MSRA: variants seen among roughly 807,000 people sequenced by gnomAD.
MSRA encodes the protein methionine sulfoxide reductase A, also known as mitochondrial peptide methionine sulfoxide reductase.
In MSRA, 54 loss-of-function variants were observed where a neutral mutation model predicts 31.3. The ratio of observed to expected loss-of-function variants is 1.73; its 90% CI spans 1.39 to 2.17. The LOEUF is 2.17. Ranked by LOEUF, MSRA falls within the 30% of genes most tolerant of loss-of-function variation. The pLI is 0.00. For synonymous variants in MSRA, 169 were observed against 116.5 expected (o/e 1.45, Z -2.90); for missense variants, 507 against 300.9 (o/e 1.69, Z -5.07).
chr8:10,337,417 G>C (rs139785679), intron 5 of MSRA: 11 of 318,362 alleles, frequency 3.5e-5, no homozygotes, highest in Middle Eastern at 9.7e-4. Flanking sequence ...CTGACCTCGT[G>C]ATCCACCAGC....
At chr8:10,208,107 TCACGTTGACAAC>T (rs1306998817) in intron 2 of MSRA, among the ~76,000 whole-genome samples, 3 of 152,244 alleles carry the variant, frequency 2.0e-5, no homozygotes, top group Non-Finnish European at 4.4e-5. Flanking sequence ...CTTTATTTTC[TCACGTTGACAAC>T]CACGTATCAA....
At chr8:10,366,351 G>C (rs990953944) in intron 5 of MSRA, among the ~76,000 whole-genome samples, 3 of 152,260 alleles carry the variant, frequency 2.0e-5, no homozygotes, top group Non-Finnish European at 4.4e-5. Flanking sequence ...GCAAGCCCGT[G>C]TGAGCTCGGA....
intron 2 of MSRA, among the ~76,000 whole-genome samples, chr8:10,224,751 C>T (rs919550748): frequency 1.3e-5 from 2 of 152,214 alleles, no homozygotes; most frequent in Non-Finnish European, 2.9e-5. Context: ...CATTCCTTTG[C>T]TGGGGAAATC....
chr8:10,353,927 T>C (rs1804354086), intron 5 of MSRA: 1 of 205,340 alleles, frequency 4.9e-6, no homozygotes. Flanking sequence ...AAGGACCTTA[T>C]TATGGAAGGA....
At position 10,071,844 on chromosome 8, in the gene MSRA, G is replaced by A. The variant is rs567102914; in HGVS notation, c.142+17186G>A. Among the ~76,000 whole-genome samples, 16 of 152,232 alleles carry A rather than the reference G, an allele frequency of 1.1e-4. No homozygotes were observed. The East Asian group carries it at 2.7e-3, about 26-fold the overall frequency. On this transcript the variant is annotated intron_variant, in intron 1 of 5. Transcript: ENST00000317173. ...GAATACGATCCAGACACTTGTGCCC[G>A]CTGTATCTCAGTACGAGAGTCTCCA...
At chr8:10,254,252 T>G (rs1366162164) in intron 3 of MSRA, among the ~76,000 whole-genome samples, 1 of 152,216 alleles carries the variant, frequency 6.6e-6, no homozygotes, top group Non-Finnish European at 1.5e-5. Context: ...GGTGACCACC[T>G]ACCCACAACG....
intron 2 of MSRA, among the ~76,000 whole-genome samples, chr8:10,244,809 C>G (rs190307180): frequency 1.3e-5 from 2 of 152,088 alleles, no homozygotes; most frequent in East Asian, 3.9e-4. Context: ...AATAGTTACC[C>G]CCTTACTGTG....
At chr8:10,125,452 G>C (rs1801430786) in intron 1 of MSRA, among the ~76,000 whole-genome samples, 1 of 152,190 alleles carries the variant, frequency 6.6e-6, no homozygotes, top group Non-Finnish European at 1.5e-5. Flanking sequence ...TCAGGAGTGA[G>C]AATCACCTGT....
chr8:10,084,348 C>T (rs11249970), intron 1 of MSRA, among the ~76,000 whole-genome samples: 79,983 of 152,202 alleles, frequency 0.53, 22,966 homozygotes, highest in Non-Finnish European at 0.63. Context: ...CTGCAGCTAA[C>T]GACAGTGACC....
At chr8:10,412,946 A>C (rs1585722147) in intron 5 of MSRA, among the ~76,000 whole-genome samples, 1 of 152,308 alleles carries the variant, frequency 6.6e-6, no homozygotes, top group East Asian at 1.9e-4. Flanking sequence ...ATATACTTCC[A>C]CCTACTGTGA....
chr8:10,409,540 C>T (rs1419772039), intron 5 of MSRA, among the ~76,000 whole-genome samples: 1 of 152,190 alleles, frequency 6.6e-6, no homozygotes, highest in Admixed American at 6.5e-5. Flanking sequence ...TTGCTAAGCA[C>T]CCTTCTTACC....
At position 10,339,702 on chromosome 8, in the gene MSRA, C is replaced by T. The variant is rs532247274; in HGVS notation, c.543+19713C>T. Among the ~76,000 whole-genome samples, 10 of 151,908 alleles carry T rather than the reference C, an allele frequency of 6.6e-5. No homozygotes were observed. The South Asian group carries it at 1.2e-3, about 19-fold the overall frequency. Reference sequence around the variant, plus strand: ...GGCTACAGGTGCCTGCCACCACGCCCGGCTAATTTTTTGTATTTTTAGTAG... The same window carrying T: ...GGCTACAGGTGCCTGCCACCACGCCTGGCTAATTTTTTGTATTTTTAGTAG... On this transcript the variant is annotated intron_variant, in intron 5 of 5. Coordinates refer to ENST00000317173, the MANE Select transcript of MSRA (RefSeq NM_012331.5).
At chr8:10,300,977 C>A (rs745499535) in intron 3 of MSRA, among the ~76,000 whole-genome samples, 1 of 151,868 alleles carries the variant, frequency 6.6e-6, no homozygotes, top group African/African-American at 2.4e-5. Context: ...ACACTTACCA[C>A]CCTGCTGGGT....
intron 2 of MSRA, among the ~76,000 whole-genome samples, chr8:10,212,056 A>G (rs1160107219): frequency 1.3e-5 from 2 of 152,176 alleles, no homozygotes; most frequent in African/African-American, 2.4e-5. Context: ...GTATGGTGGC[A>G]TGCACCTCTA....
intron 1 of MSRA, among the ~76,000 whole-genome samples, chr8:10,122,522 AT>A (rs762711480): frequency 1.3e-5 from 2 of 150,632 alleles, no homozygotes; most frequent in East Asian, 1.9e-4. Context: ...CAGTGGAAGT[AT>A]TTTTTTGTGT....
chr8:10,273,534 G>C (rs190306463), intron 3 of MSRA, among the ~76,000 whole-genome samples: 23 of 152,274 alleles, frequency 1.5e-4, no homozygotes, highest in African/African-American at 5.5e-4. Flanking sequence ...TATGTAATAA[G>C]AGTCATGTAA....
chr8:10,237,437 C>G (rs1317925684), intron 2 of MSRA, among the ~76,000 whole-genome samples: 1 of 152,108 alleles, frequency 6.6e-6, no homozygotes, highest in Non-Finnish European at 1.5e-5. Context: ...TGTGTCCAAA[C>G]CAAATTACTA....
chr8:10,168,979 G>T (rs567762636), intron 1 of MSRA, among the ~76,000 whole-genome samples: 4 of 152,146 alleles, frequency 2.6e-5, no homozygotes, highest in South Asian at 2.1e-4. Context: ...TATGAGGCAC[G>T]GGCAGGTCTT....
intron 3 of MSRA, among the ~76,000 whole-genome samples, chr8:10,248,393 G>T (rs1237930474): frequency 2.6e-5 from 4 of 152,108 alleles, no homozygotes; most frequent in Non-Finnish European, 5.9e-5. Context: ...AGAATCCACA[G>T]GGCCAGCTTT....
Sources: allele counts gnomAD v4.1 joint callset (sites outside exome capture counted in the v4.1 genomes callset), GRCh38; gene constraint gnomAD v4.1.1; transcripts MANE v1.5; gene names NCBI Gene and HGNC (gene_info 2026-07-23, HGNC 2026-07-21).